UBE2H: variants seen among roughly 807,000 people sequenced by gnomAD.
UBE2H encodes the protein ubiquitin conjugating enzyme E2 H.
Under a neutral mutation model 29.0 loss-of-function variants are expected in UBE2H, and 3 were observed. The ratio of observed to expected loss-of-function variants is 0.10; its 90% CI spans 0.05 to 0.27. UBE2H has a LOEUF of 0.27. Ranked by LOEUF, UBE2H falls within the 10% of genes least tolerant of loss-of-function variation. The pLI is 1.00. For missense variants in UBE2H, 68 were observed against 228.2 expected (o/e 0.30, Z 4.52); for synonymous variants, 69 against 82.9 (o/e 0.83, Z 0.91).
chr7:129,847,043 G>C (rs577981395), intron 5 of UBE2H, among the ~76,000 whole-genome samples: 1 of 150,386 alleles, frequency 6.6e-6, no homozygotes, highest in Non-Finnish European at 1.5e-5. Flanking sequence ...TTTTTGAGAC[G>C]GAGTCTCGCT....
At chr7:129,946,246 A>G (rs1045717040) in intron 1 of UBE2H, among the ~76,000 whole-genome samples, 1 of 151,140 alleles carries the variant, frequency 6.6e-6, no homozygotes. Context: ...TTTTTAGTAG[A>G]GATGGGTTTT....
chr7:129,941,427 G>A (rs973663348), intron 1 of UBE2H, among the ~76,000 whole-genome samples: 52 of 152,130 alleles, frequency 3.4e-4, no homozygotes, highest in African/African-American at 1.1e-3. Context: ...GAGCCACTGC[G>A]TCTGGCCAAG....
intron 1 of UBE2H, among the ~76,000 whole-genome samples, chr7:129,951,730 G>C (rs1807880248): frequency 6.6e-6 from 1 of 152,144 alleles, no homozygotes; most frequent in Non-Finnish European, 1.5e-5. Flanking sequence ...AGGAAGTTTT[G>C]CCCAAGTGGC....
chr7:129,877,928 G>A (rs1429640049), intron 3 of UBE2H, among the ~76,000 whole-genome samples: 2 of 152,168 alleles, frequency 1.3e-5, no homozygotes, highest in East Asian at 3.8e-4. Context: ...CTAGGAATGT[G>A]GGGTTAACAA....
intron 1 of UBE2H, among the ~76,000 whole-genome samples, chr7:129,903,691 G>A (rs1297452981): frequency 2.0e-5 from 3 of 152,204 alleles, no homozygotes; most frequent in Non-Finnish European, 4.4e-5. Flanking sequence ...TTGAGCCCAG[G>A]AGTTTGAGAC....
At chr7:129,941,730 T>C (rs1184193305) in intron 1 of UBE2H, among the ~76,000 whole-genome samples, 2 of 47,034 alleles carry the variant, frequency 4.3e-5, no homozygotes, top group African/African-American at 1.2e-4. Context: ...AGCCACTGAA[T>C]CCAGCTTTAA....
chr7:129,836,842 T>C (rs1338765645), intron 6 of UBE2H, among the ~76,000 whole-genome samples: 4 of 124,036 alleles, frequency 3.2e-5, no homozygotes, highest in South Asian at 2.7e-4. Flanking sequence ...ATCGCACCAC[T>C]GCACTCCAGC....
At chr7:129,913,854 G>A (rs77201341) in intron 1 of UBE2H, among the ~76,000 whole-genome samples, 3 of 152,214 alleles carry the variant, frequency 2.0e-5, no homozygotes, top group Admixed American at 6.6e-5. Context: ...AGTAGGGAGC[G>A]GGTGACAGAA....
intron 1 of UBE2H, among the ~76,000 whole-genome samples, chr7:129,890,672 A>G (rs1806465932): frequency 1.3e-5 from 2 of 151,742 alleles, no homozygotes; most frequent in African/African-American, 2.4e-5. Flanking sequence ...GCGCCCAGCC[A>G]ACGGTGATAC....
intron 1 of UBE2H, among the ~76,000 whole-genome samples, chr7:129,947,893 T>A (rs1417727313): frequency 6.6e-6 from 1 of 152,020 alleles, no homozygotes; most frequent in Non-Finnish European, 1.5e-5. Context: ...TGCTCTGTCG[T>A]CCAGGCTGGA....
chr7:129,920,384 C>CCG (rs1563046571), intron 1 of UBE2H, among the ~76,000 whole-genome samples: 1 of 151,844 alleles, frequency 6.6e-6, no homozygotes, highest in Non-Finnish European at 1.5e-5. Flanking sequence ...AATTATGACA[C>CCG]TGTATATAAC....
intron 6 of UBE2H, among the ~76,000 whole-genome samples, chr7:129,836,991 T>G (rs1584734760): frequency 6.7e-6 from 1 of 149,860 alleles, no homozygotes; most frequent in Non-Finnish European, 1.5e-5. Context: ...CAGCAAAGGG[T>G]TTTGAGCAGG....
chr7:129,855,931 A>G (rs564390885), intron 5 of UBE2H, among the ~76,000 whole-genome samples: 2 of 152,144 alleles, frequency 1.3e-5, no homozygotes, highest in African/African-American at 4.8e-5. Flanking sequence ...ATTAAAAAAT[A>G]TATATACAAC....
At chr7:129,923,961 A>T (rs1807214736) in intron 1 of UBE2H, among the ~76,000 whole-genome samples, 1 of 152,224 alleles carries the variant, frequency 6.6e-6, no homozygotes, top group Admixed American at 6.5e-5. Context: ...TACCATCCGT[A>T]ACAACAGCAA....
At chr7:129,836,210 C>G (rs190544102) in intron 6 of UBE2H, among the ~76,000 whole-genome samples, 81 of 152,302 alleles carry the variant, frequency 5.3e-4, no homozygotes, top group African/African-American at 1.8e-3. Flanking sequence ...TTATTTTTAA[C>G]CTCTAATGGG....
Position 129,899,918 on chromosome 7 carries a change from AG to A in UBE2H, c.54-18948del, listed in dbSNP as rs1806674806. On this transcript the variant is annotated intron_variant, in intron 1 of 6. Transcript: ENST00000355621. ...CGAGGCAGGCAGATCACTTGAGGTGAGGAGTACGAGACCAGCCTAGCCAATA... is the reference window on the plus strand; with the variant it reads ...CGAGGCAGGCAGATCACTTGAGGTGAGAGTACGAGACCAGCCTAGCCAATA... Among the ~76,000 whole-genome samples the A allele has an allele frequency of 4.6e-5, 7 of 152,274 alleles. No individual in the cohort carries two copies. The South Asian group carries it at 1.4e-3, about 32-fold the overall frequency.
chr7:129,839,436 C>T (rs1348694248), intron 5 of UBE2H, 101 bp from the exon 6 acceptor site: 12 of 1,517,104 alleles, frequency 7.9e-6, no homozygotes, highest in Admixed American at 5.8e-5. Context: ...GATATTCACA[C>T]GGGGATGATT....
At chr7:129,863,502 C>A (rs1271224927) in intron 3 of UBE2H, among the ~76,000 whole-genome samples, 1 of 152,162 alleles carries the variant, frequency 6.6e-6, no homozygotes, top group Non-Finnish European at 1.5e-5. Context: ...CTCTAAAAAT[C>A]TAGCATTTAA....
rs530477645 is a variant in UBE2H at position 129,881,329 on chromosome 7, T to A, written c.54-358A>T. On this transcript the variant is annotated intron_variant, in intron 1 of 6. Coordinates refer to ENST00000355621, the MANE Select transcript of UBE2H (RefSeq NM_003344.4). ...TTAGACAGGTTAAACATGTAAAATG[T>A]GTAAGACTGCATTTTGCCTATATAC... Among the ~76,000 whole-genome samples the A allele has an allele frequency of 7.0e-3, 1,067 of 152,322 alleles. 8 individuals are homozygous for A. The highest frequency in any genetic ancestry group is 9.1e-3 in the Non-Finnish European group (620 of 68,022).
Sources: allele counts gnomAD v4.1 joint callset (sites outside exome capture counted in the v4.1 genomes callset), GRCh38; gene constraint gnomAD v4.1.1; transcripts MANE v1.5; gene names NCBI Gene and HGNC (gene_info 2026-07-23, HGNC 2026-07-21).